The following ROBO2 variants were observed in gnomAD, a reference collection of about 807,000 sequenced individuals.
ROBO2 encodes roundabout homolog 2.
Under a neutral mutation model 160.8 loss-of-function variants are expected in ROBO2, and 53 were observed. That is an observed-to-expected ratio of 0.33 (90% CI 0.26 to 0.41). The LOEUF (loss-of-function observed/expected upper bound fraction) is 0.41, where lower values mean the gene tolerates loss of function less well. ROBO2 is among the 10% of genes least tolerant of loss of function. The pLI, the probability that ROBO2 is intolerant of heterozygous loss-of-function variation, is 1.00. For missense variants in ROBO2, 1,577 were observed against 1,722.4 expected (o/e 0.92, Z 1.49); for synonymous variants, 664 against 611.7 (o/e 1.09, Z -1.26).
At chr3:77,406,533 T>C (rs1200886900) in intron 2 of ROBO2, among the ~76,000 whole-genome samples, 2 of 152,208 alleles carry the variant, frequency 1.3e-5, no homozygotes, top group Non-Finnish European at 2.9e-5. Context: ...ATTAATACTG[T>C]ATATTCAATG....
At chr3:76,003,966 G>C (rs891858079) in intron 2 of ROBO2, among the ~76,000 whole-genome samples, 2 of 152,126 alleles carry the variant, frequency 1.3e-5, no homozygotes, top group Non-Finnish European at 2.9e-5. Context: ...AACTTCAATG[G>C]TATAGTTGCT....
At chr3:76,058,817 A>G (rs1479920892) in intron 2 of ROBO2, among the ~76,000 whole-genome samples, 1 of 92,178 alleles carries the variant, frequency 1.1e-5, no homozygotes, top group African/African-American at 4.5e-5. Context: ...ACCCCACAAC[A>G]GGCCCCAGTG....
chr3:75,974,589 G>A (rs938604989), intron 2 of ROBO2, among the ~76,000 whole-genome samples: 1 of 151,464 alleles, frequency 6.6e-6, no homozygotes, highest in Admixed American at 6.6e-5. Flanking sequence ...GGCTTGTCTT[G>A]TAATTCTATG....
chr3:76,772,137 T>C (rs2061942939), intron 2 of ROBO2, among the ~76,000 whole-genome samples: 1 of 151,290 alleles, frequency 6.6e-6, no homozygotes, highest in Admixed American at 6.6e-5. Context: ...CCACGGCATG[T>C]GGGCTTTGTT....
intron 2 of ROBO2, among the ~76,000 whole-genome samples, chr3:76,761,762 C>T (rs1359408738): frequency 6.6e-6 from 1 of 151,604 alleles, no homozygotes; most frequent in Non-Finnish European, 1.5e-5. Context: ...CTTGATAGAA[C>T]ATTGAATTTA....
chr3:77,028,799 T>A (rs764450231), intron 2 of ROBO2, among the ~76,000 whole-genome samples: 15 of 152,230 alleles, frequency 9.9e-5, no homozygotes, highest in Non-Finnish European at 1.8e-4. Context: ...TTCCTCCAAT[T>A]TTGATTCCAT....
chr3:76,216,218 A>G (rs966635610), intron 2 of ROBO2, among the ~76,000 whole-genome samples: 2 of 152,266 alleles, frequency 1.3e-5, no homozygotes, highest in African/African-American at 4.8e-5. Context: ...GCCAAATTGT[A>G]AAGATCGTCG....
At chr3:76,937,713 A>C (rs192100402) in intron 2 of ROBO2, among the ~76,000 whole-genome samples, 1 of 152,248 alleles carries the variant, frequency 6.6e-6, no homozygotes, top group African/African-American at 2.4e-5. Flanking sequence ...TTTTAACCTA[A>C]GCATTTTTAG....
At chr3:76,291,866 T>G (rs921358707) in intron 2 of ROBO2, among the ~76,000 whole-genome samples, 2 of 152,162 alleles carry the variant, frequency 1.3e-5, no homozygotes, top group Non-Finnish European at 2.9e-5. Context: ...TTTATTGTGC[T>G]GTTGTCCAAG....
At chr3:77,414,539 A>T (rs551554012) in intron 2 of ROBO2, among the ~76,000 whole-genome samples, 3 of 152,266 alleles carry the variant, frequency 2.0e-5, no homozygotes, top group Non-Finnish European at 2.9e-5. Flanking sequence ...TTAATGATAC[A>T]GCAGAGAGGG....
chr3:76,744,294 C>A (rs976340856), intron 2 of ROBO2, among the ~76,000 whole-genome samples: 1 of 151,664 alleles, frequency 6.6e-6, no homozygotes, highest in African/African-American at 2.4e-5. Flanking sequence ...TTCTTCTTCC[C>A]CTCCTCTTCC....
intron 2 of ROBO2, among the ~76,000 whole-genome samples, chr3:76,656,474 G>A (rs1451355057): frequency 6.6e-6 from 1 of 151,978 alleles, no homozygotes; most frequent in Non-Finnish European, 1.5e-5. Flanking sequence ...TTCTTGTGAA[G>A]GCACTGCTCA....
chr3:77,054,245 G>A (rs1373224938), intron 1 of ROBO2, among the ~76,000 whole-genome samples: 1 of 152,110 alleles, frequency 6.6e-6, no homozygotes, highest in Non-Finnish European at 1.5e-5. Context: ...TCTACCATCT[G>A]TCAGTATACA....
chr3:75,975,688 C>A (rs2065116727), intron 2 of ROBO2, among the ~76,000 whole-genome samples: 1 of 151,534 alleles, frequency 6.6e-6, no homozygotes, highest in Non-Finnish European at 1.5e-5. Flanking sequence ...GCTCTGATTA[C>A]TTCTCAGTAA....
intron 2 of ROBO2, among the ~76,000 whole-genome samples, chr3:76,917,364 A>G (rs572548504): frequency 9.6e-4 from 147 of 152,350 alleles, no homozygotes; most frequent in Middle Eastern, 3.4e-3. Context: ...CAATACCTGC[A>G]GGCAACACTT....
intron 2 of ROBO2, among the ~76,000 whole-genome samples, chr3:76,763,376 C>T (rs115785494): frequency 0.014 from 2,137 of 151,718 alleles, 20 homozygotes; most frequent in South Asian, 0.033. Flanking sequence ...TGATATTGAA[C>T]GGCTACCATG....
At chr3:76,613,319 TTG>T (rs1305324666) in intron 2 of ROBO2, among the ~76,000 whole-genome samples, 1 of 152,134 alleles carries the variant, frequency 6.6e-6, no homozygotes, top group Non-Finnish European at 1.5e-5. Context: ...CAAATGCTTT[TTG>T]TGTGTCTGAA....
intron 1 of ROBO2, among the ~76,000 whole-genome samples, chr3:77,089,045 T>C (rs768798088): frequency 6.6e-6 from 1 of 152,158 alleles, no homozygotes; most frequent in Non-Finnish European, 1.5e-5. Context: ...GATGAATAAA[T>C]AGTACAAAAA....
intron 2 of ROBO2, among the ~76,000 whole-genome samples, chr3:76,733,488 G>A (rs189625372): frequency 6.6e-6 from 1 of 152,340 alleles, no homozygotes; most frequent in East Asian, 1.9e-4. Flanking sequence ...TAGCAATGAT[G>A]TCTACATCTT....
Sources: gnomAD v4.1 joint callset for allele counts (sites outside exome capture counted in the v4.1 genomes callset) on GRCh38, gnomAD v4.1.1 for gene constraint, MANE v1.5 for transcripts, NCBI Gene and HGNC (gene_info 2026-07-23, HGNC 2026-07-21) for gene names.